Variants in SNTB2 observed in about 807,000 individuals in gnomAD.
SNTB2 encodes beta-2-syntrophin.
Under a neutral mutation model 46.2 loss-of-function variants are expected in SNTB2, and 34 were observed. The observed-to-expected ratio is 0.74, with a 90% confidence interval of 0.56 to 0.98. The LOEUF (loss-of-function observed/expected upper bound fraction) is 0.98, where lower values mean the gene tolerates loss of function less well. Ranked by LOEUF, SNTB2 falls within the 50% of genes least tolerant of loss-of-function variation. The pLI, the probability that SNTB2 is intolerant of heterozygous loss-of-function variation, is 0.00. For synonymous variants in SNTB2, 290 were observed against 312.6 expected (o/e 0.93, Z 0.76); for missense variants, 603 against 731.4 (o/e 0.82, Z 2.02).
intron 5 of SNTB2, among the ~76,000 whole-genome samples, chr16:69,288,024 A>G (rs77283444): frequency 6.6e-6 from 1 of 151,700 alleles, no homozygotes; most frequent in Admixed American, 6.6e-5. Context: ...GAAAAAAAAA[A>G]GAGTAAATGA....
chr16:69,234,196 T>C (rs1335435783), intron 1 of SNTB2, among the ~76,000 whole-genome samples: 1 of 152,100 alleles, frequency 6.6e-6, no homozygotes, highest in Non-Finnish European at 1.5e-5. Flanking sequence ...AGCTGGGTGC[T>C]GTGGTGTGTG....
intron 1 of SNTB2, among the ~76,000 whole-genome samples, chr16:69,209,617 C>G (rs1964258508): frequency 6.6e-6 from 1 of 152,186 alleles, no homozygotes; most frequent in African/African-American, 2.4e-5. Context: ...GGTGGAAATA[C>G]TTTAAACAGT....
Position 69,245,641 on chromosome 16 carries a change from C to T in SNTB2, c.620C>T (p.Pro207Leu). ...IREVTPYIKK[P>L]SLVSDLPWEG... is the part of the protein sequence containing the mutation. Reference sequence around the variant, plus strand: ...GAAGTAACACCATATATCAAGAAGCCATCATTAGTATCAGATCTGCCGTGG... The same window carrying T: ...GAAGTAACACCATATATCAAGAAGCTATCATTAGTATCAGATCTGCCGTGG... The change falls in exon 2 of 7, where the codon CCA (proline) becomes CTA (leucine). Residue 207 changes from proline to leucine, a missense_variant. Pro to Leu is a moderately conservative substitution (Grantham distance 98). Coordinates refer to ENST00000336278, the MANE Select transcript of SNTB2 (RefSeq NM_006750.4). The T allele has an allele frequency of 6.2e-7, 1 of 1,614,040 alleles. No homozygotes were observed. The highest frequency in any genetic ancestry group is 2.2e-5 in the East Asian group (1 of 44,890).
chr16:69,248,887 T>A (rs1002612065), intron 2 of SNTB2, among the ~76,000 whole-genome samples: 2 of 148,778 alleles, frequency 1.3e-5, no homozygotes, highest in African/African-American at 2.5e-5. Context: ...TTTTTTTTTT[T>A]AAAGTTAGGG....
chr16:69,271,528 T>G (rs2143122208), intron 4 of SNTB2, among the ~76,000 whole-genome samples: 1 of 152,214 alleles, frequency 6.6e-6, no homozygotes, highest in East Asian at 1.9e-4. Flanking sequence ...AAATCTTAGT[T>G]GAATTAAATT....
chr16:69,244,332 A>G (rs1437651059), intron 1 of SNTB2, among the ~76,000 whole-genome samples: 1 of 152,226 alleles, frequency 6.6e-6, no homozygotes, highest in African/African-American at 2.4e-5. Context: ...ATATACACGC[A>G]TGTGTATGTG....
intron 5 of SNTB2, among the ~76,000 whole-genome samples, chr16:69,289,419 A>C (rs1220774610): frequency 6.6e-6 from 1 of 152,156 alleles, no homozygotes; most frequent in African/African-American, 2.4e-5. Context: ...ATAAATTCTA[A>C]TGTTCAAGAG....
intron 4 of SNTB2, among the ~76,000 whole-genome samples, chr16:69,279,243 C>T (rs1057116210): frequency 1.3e-5 from 2 of 152,082 alleles, no homozygotes; most frequent in African/African-American, 4.8e-5. Context: ...CCTTGGATAC[C>T]TCATGTAAGT....
At chr16:69,245,268 A>G (rs1445004642) in intron 1 of SNTB2, among the ~76,000 whole-genome samples, 1 of 151,972 alleles carries the variant, frequency 6.6e-6, no homozygotes, top group African/African-American at 2.4e-5. Context: ...GCACAATCTC[A>G]CTGCAGCCAC....
chr16:69,227,329 A>G (rs894733086), intron 1 of SNTB2, among the ~76,000 whole-genome samples: 1 of 152,204 alleles, frequency 6.6e-6, no homozygotes, highest in African/African-American at 2.4e-5. Context: ...TTTTTGACCA[A>G]TGTATAAAAT....
intron 1 of SNTB2, among the ~76,000 whole-genome samples, chr16:69,225,813 G>C (rs1041962263): frequency 1.3e-5 from 2 of 152,212 alleles, no homozygotes; most frequent in Non-Finnish European, 2.9e-5. Context: ...TGTCACCCAG[G>C]CTGGAGTGCA....
intron 5 of SNTB2, among the ~76,000 whole-genome samples, chr16:69,290,484 A>G (rs953790701): frequency 6.6e-6 from 1 of 152,178 alleles, no homozygotes; most frequent in Admixed American, 6.5e-5. Context: ...GAAGAGAAGA[A>G]AAACAGGCAT....
At chr16:69,222,983 C>T (rs1329746562) in intron 1 of SNTB2, among the ~76,000 whole-genome samples, 1 of 151,896 alleles carries the variant, frequency 6.6e-6, no homozygotes, top group Non-Finnish European at 1.5e-5. Flanking sequence ...GAGGTTTCAC[C>T]ACAGTGGCCA....
In SNTB2 at chr16:69,280,127, G is replaced by A. The variant is rs370898342; in HGVS notation, c.1149-3921G>A. On this transcript the variant is annotated intron_variant, in intron 4 of 6. Transcript: ENST00000336278. Reference sequence around the variant, plus strand: ...GTACATCTTGCACCACCCTTAATCCGTTTAACCCTGAGTGGACACAGCACA... The same window carrying A: ...GTACATCTTGCACCACCCTTAATCCATTTAACCCTGAGTGGACACAGCACA... Among the ~76,000 whole-genome samples the A allele has an allele frequency of 8.5e-5, 13 of 152,284 alleles. No homozygotes were observed. The South Asian group carries it at 1.4e-3, about 17-fold the overall frequency.
intron 1 of SNTB2, among the ~76,000 whole-genome samples, chr16:69,222,478 A>C (rs766939191): frequency 1.2e-4 from 18 of 151,996 alleles, no homozygotes; most frequent in Non-Finnish European, 1.6e-4. Context: ...CTGTAATCCC[A>C]GCTACTTGGG....
chr16:69,277,946 C>T (rs1462669742), intron 4 of SNTB2, among the ~76,000 whole-genome samples: 1 of 152,144 alleles, frequency 6.6e-6, no homozygotes, highest in Admixed American at 6.6e-5. Context: ...CTTTGGGAGG[C>T]CAAGGCATGT....
rs960443303 is a variant in SNTB2 at position 69,187,453 on chromosome 16, C to G, written c.287C>G (p.Pro96Arg). 2 of 1,171,280 alleles carry G rather than the reference C, an allele frequency of 1.7e-6. No individual in the cohort carries two copies. Among genetic ancestry groups the G allele is most frequent in the Admixed American group, 9.4e-5 (2 of 21,376 alleles). 72.6% of individuals were successfully genotyped at this position (1,171,280 alleles called of 1,614,324 possible). A position where few individuals can be genotyped will look rare whatever the true frequency, so the allele number is the denominator to read the frequency against. ...AGCCGCGGCCTGGGGCCCCCGAGCC[C>G]GCCGGCGCCGCCTCGGGGCCCCGCG... ...SPSRGLGPPS[P>R]PAPPRGPAGE... The change falls in exon 1 of 7, where the codon CCG becomes CGG. Residue 96 changes from proline (P) to arginine (R), a missense_variant. By Grantham distance (103) the Pro-to-Arg change is moderately radical. Transcript: ENST00000336278.
At chr16:69,278,928 GTGTGTT>G (rs1567413231) in intron 4 of SNTB2, among the ~76,000 whole-genome samples, 1 of 147,732 alleles carries the variant, frequency 6.8e-6, no homozygotes, top group South Asian at 2.1e-4. Context: ...GTGTGTGTGT[GTGTGTT>G]AATAAACTCA....
At chr16:69,268,530 T>C (rs927116704) in intron 3 of SNTB2, among the ~76,000 whole-genome samples, 1 of 152,004 alleles carries the variant, frequency 6.6e-6, no homozygotes, top group African/African-American at 2.4e-5. Context: ...AAGTGTTTTC[T>C]TAAGCTGCTA....
Sources: allele counts gnomAD v4.1 joint callset (sites outside exome capture counted in the v4.1 genomes callset), GRCh38; gene constraint gnomAD v4.1.1; transcripts MANE v1.5; gene names NCBI Gene and HGNC (gene_info 2026-07-23, HGNC 2026-07-21).